Variants in DNM3 observed in about 807,000 individuals in gnomAD.
The protein encoded by DNM3 is dynamin-3.
DNM3 carries 47 observed loss-of-function variants against 101.6 expected under a neutral mutation model. The observed-to-expected ratio is 0.46, with a 90% CI of 0.37 to 0.59. DNM3 has a LOEUF of 0.59. Ranked by LOEUF, DNM3 falls within the 20% of genes least tolerant of loss-of-function variation. The probability of loss-of-function intolerance (pLI) is 0.00; values close to 1 mark genes in which losing one functional copy is unlikely to be tolerated. For missense variants in DNM3, 849 were observed against 1,085.7 expected, an observed-to-expected ratio of 0.78 and a Z score of 3.06; for synonymous variants, 385 against 387.9, an observed-to-expected ratio of 0.99 and a Z score of 0.09.
intron 12 of DNM3, among the ~76,000 whole-genome samples, chr1:172,091,100 G>A (rs2053876729): frequency 1.3e-5 from 2 of 152,148 alleles, no homozygotes; most frequent in Non-Finnish European, 2.9e-5. Context: ...TAAGTTGTTG[G>A]AGTCCTTTCT....
intron 14 of DNM3, among the ~76,000 whole-genome samples, chr1:172,134,881 G>C (rs928942959): frequency 6.6e-6 from 1 of 152,104 alleles, no homozygotes; most frequent in Non-Finnish European, 1.5e-5. Context: ...AGTCCAGTGT[G>C]ACTGGAGCAA....
intron 14 of DNM3, among the ~76,000 whole-genome samples, chr1:172,142,415 GA>G (rs535705340): frequency 4.7e-4 from 71 of 151,944 alleles, no homozygotes; most frequent in Non-Finnish European, 8.4e-4. Context: ...CCATATAATT[GA>G]AAAATAAGTA....
intron 18 of DNM3, among the ~76,000 whole-genome samples, chr1:172,382,863 G>A (rs2068988108): frequency 2.6e-5 from 4 of 152,110 alleles, no homozygotes; most frequent in Admixed American, 2.6e-4. Flanking sequence ...ATTTCACACT[G>A]GAGTGTGTGC....
chr1:172,142,854 G>A (rs1008775807), intron 14 of DNM3, among the ~76,000 whole-genome samples: 1 of 150,986 alleles, frequency 6.6e-6, no homozygotes, highest in Non-Finnish European at 1.5e-5. Flanking sequence ...GAAAAAATGA[G>A]CTCCTCTAAG....
rs116234164 is a variant in DNM3, at chr1:172,142,441, T to C, written c.1659+11153T>C. ...AAAAATAAGTACTATTCGTTTTCAT[T>C]TGTTAAAACTTTGCCTCGAAAATAA... On this transcript the variant is annotated intron_variant, in intron 14 of 20. Transcript: ENST00000627582. Among the ~76,000 whole-genome samples, 846 of 152,178 alleles carry C rather than the reference T, an allele frequency of 5.6e-3. 7 individuals are homozygous for C. Among genetic ancestry groups the C allele is most frequent in the African/African-American group, 0.02 (810 of 41,538 alleles).
chr1:171,959,259 A>T (rs559383967), intron 2 of DNM3, among the ~76,000 whole-genome samples: 33 of 152,050 alleles, frequency 2.2e-4, no homozygotes, highest in African/African-American at 7.7e-4. Context: ...TTTTATTATT[A>T]TTTTTCATTA....
chr1:172,268,962 G>C (rs1281752837), intron 15 of DNM3, among the ~76,000 whole-genome samples: 1 of 152,090 alleles, frequency 6.6e-6, no homozygotes, highest in Non-Finnish European at 1.5e-5. Context: ...TTTTTCTAGG[G>C]GAATCAGGCA....
chr1:172,096,808 G>A (rs1238148490), intron 13 of DNM3, among the ~76,000 whole-genome samples: 1 of 152,180 alleles, frequency 6.6e-6, no homozygotes, highest in African/African-American at 2.4e-5. Context: ...ATAGGGAAGG[G>A]AACTCAACTG....
intron 15 of DNM3, among the ~76,000 whole-genome samples, chr1:172,265,775 G>C (rs1254634954): frequency 6.6e-6 from 1 of 152,142 alleles, no homozygotes; most frequent in Non-Finnish European, 1.5e-5. Context: ...GTCATGCTAA[G>C]GCCCATTTGG....
intron 2 of DNM3, among the ~76,000 whole-genome samples, chr1:171,922,778 C>T (rs888765762): frequency 2.6e-5 from 4 of 152,222 alleles, no homozygotes; most frequent in African/African-American, 9.6e-5. Context: ...CTGGACATGT[C>T]ATATGAATAG....
Position 172,027,240 on chromosome 1 carries a change from A to G in DNM3, c.590-5162A>G, listed in dbSNP as rs915233883. ...CATAATGACAGGATCAAATTCACAC[A>G]TAACAATATTAACCTTAAATGTAAT... On this transcript the variant is annotated intron_variant, in intron 4 of 20. Coordinates refer to ENST00000627582, the MANE Select transcript of DNM3 (RefSeq NM_015569.5). 3.4e-4 allele frequency among the ~76,000 whole-genome samples: 52 copies of G among 152,198 alleles called. 1 individual carries two copies. The highest frequency in any genetic ancestry group is 7.3e-5 in the Non-Finnish European group (5 of 68,028).
intron 1 of DNM3, 89 bp downstream of exon 1, chr1:171,841,906 G>C (rs2031254595): frequency 1.3e-6 from 2 of 1,505,396 alleles, no homozygotes; most frequent in Non-Finnish European, 1.8e-6. Context: ...GGGAGCCAGA[G>C]GGTGGATGGA....
At chr1:172,392,385 T>C (rs1470429015) in intron 20 of DNM3, among the ~76,000 whole-genome samples, 1 of 151,716 alleles carries the variant, frequency 6.6e-6, no homozygotes, top group Non-Finnish European at 1.5e-5. Flanking sequence ...ACTCAACTTC[T>C]CTGAAGGGGC....
chr1:172,264,328 T>C (rs2422075), intron 15 of DNM3, among the ~76,000 whole-genome samples: 25,964 of 152,236 alleles, frequency 0.17, 2,477 homozygotes, highest in East Asian at 0.24. Context: ...TGTCAGTTTA[T>C]GTATTTTAAT....
intron 15 of DNM3, among the ~76,000 whole-genome samples, chr1:172,264,053 T>C (rs1176588704): frequency 3.9e-5 from 6 of 152,128 alleles, no homozygotes; most frequent in South Asian, 2.1e-4. Context: ...GCAGACAGCA[T>C]AGTATTTAGC....
chr1:172,368,073 A>C (rs2068120652), intron 17 of DNM3, among the ~76,000 whole-genome samples: 1 of 151,886 alleles, frequency 6.6e-6, no homozygotes, highest in East Asian at 1.9e-4. Flanking sequence ...TCACCTAGGC[A>C]TAAAATCAAC....
At chr1:171,850,782 TC>T (rs1280044521) in intron 1 of DNM3, among the ~76,000 whole-genome samples, 20 of 151,632 alleles carry the variant, frequency 1.3e-4, no homozygotes, top group African/African-American at 4.9e-4. Flanking sequence ...TTTTTTTTTT[TC>T]CTCAGAGTAA....
chr1:171,991,244 C>G (rs900398686), intron 4 of DNM3, among the ~76,000 whole-genome samples: 2 of 152,116 alleles, frequency 1.3e-5, no homozygotes, highest in African/African-American at 2.4e-5. Flanking sequence ...TATTCTGATA[C>G]TATTTACCTG....
intron 18 of DNM3, among the ~76,000 whole-genome samples, chr1:172,383,850 G>A (rs714515): frequency 0.47 from 72,124 of 152,028 alleles, 20,245 homozygotes; most frequent in East Asian, 0.87. Flanking sequence ...GCTGGAATGA[G>A]GTTTCATGTG....
Sources: allele counts gnomAD v4.1 joint callset (sites outside exome capture counted in the v4.1 genomes callset), GRCh38; gene constraint gnomAD v4.1.1; transcripts MANE v1.5; gene names NCBI Gene and HGNC (gene_info 2026-07-23, HGNC 2026-07-21).